Variants in PCDH15 observed in about 807,000 individuals in gnomAD.
PCDH15 encodes the protein protocadherin-15.
In PCDH15, 129 loss-of-function variants were observed where a neutral mutation model predicts 178.5. The ratio of observed to expected loss-of-function variants is 0.72; its 90% CI spans 0.63 to 0.84. The LOEUF is 0.84. Among genes scored for constraint, PCDH15 ranks in the 40% least tolerant of loss-of-function variants. The pLI, the probability that PCDH15 is intolerant of heterozygous loss-of-function variation, is 0.00. For synonymous variants in PCDH15, 800 were observed against 732.0 expected (o/e 1.09, Z -1.50); for missense variants, 2,230 against 2,099.9 (o/e 1.06, Z -1.21).
chr10:54,719,362 A>T (rs1385962311), intron 1 of PCDH15, among the ~76,000 whole-genome samples: 3 of 152,122 alleles, frequency 2.0e-5, no homozygotes, highest in Admixed American at 6.6e-5. Flanking sequence ...TGAGAAACAT[A>T]GGATTATGTA....
At chr10:53,909,084 C>T (rs7089225) in intron 25 of PCDH15, among the ~76,000 whole-genome samples, 98,565 of 152,018 alleles carry the variant, frequency 0.65, 32,326 homozygotes, top group East Asian at 0.88. Flanking sequence ...CACGTATCGA[C>T]GGAAGAACCT....
chr10:54,962,661 C>T (rs375609277), intron 2 of PCDH15, among the ~76,000 whole-genome samples: 5 of 152,184 alleles, frequency 3.3e-5, no homozygotes, highest in South Asian at 4.1e-4. Context: ...GCACCTGTGC[C>T]GGCTCCTGGA....
intron 17 of PCDH15, among the ~76,000 whole-genome samples, chr10:54,075,304 G>A (rs925124975): frequency 5.9e-5 from 9 of 152,050 alleles, no homozygotes; most frequent in Non-Finnish European, 8.8e-5. Context: ...CTGAACCCGG[G>A]AGGCGGAGTT....
chr10:55,014,200 A>C (rs1428649920), intron 2 of PCDH15, among the ~76,000 whole-genome samples: 1 of 150,740 alleles, frequency 6.6e-6, no homozygotes, highest in Non-Finnish European at 1.5e-5. Context: ...ACACCTTGAA[A>C]TTTTTTTTTT....
At chr10:54,536,672 G>A (rs1159071920) in intron 2 of PCDH15, among the ~76,000 whole-genome samples, 1 of 152,056 alleles carries the variant, frequency 6.6e-6, no homozygotes, top group African/African-American at 2.4e-5. Context: ...TAGATGTCCA[G>A]TGTCTATTAC....
intron 2 of PCDH15, among the ~76,000 whole-genome samples, chr10:54,617,092 T>G (rs992108604): frequency 6.6e-6 from 1 of 152,026 alleles, no homozygotes; most frequent in Non-Finnish European, 1.5e-5. Context: ...AGACTGGATT[T>G]CACCATGTTG....
At chr10:55,540,735 A>G (rs1354808640) in intron 2 of PCDH15, among the ~76,000 whole-genome samples, 1 of 152,080 alleles carries the variant, frequency 6.6e-6, no homozygotes, top group Admixed American at 6.6e-5. Flanking sequence ...GTTCCCCAAT[A>G]TTATTGAAAA....
At chr10:54,576,998 T>C (rs560548522) in intron 2 of PCDH15, among the ~76,000 whole-genome samples, 5 of 152,286 alleles carry the variant, frequency 3.3e-5, no homozygotes, top group South Asian at 4.1e-4. Flanking sequence ...AATGTCTACA[T>C]TGATGGCTGA....
intron 2 of PCDH15, among the ~76,000 whole-genome samples, chr10:55,490,733 T>C (rs549422736): frequency 2.0e-5 from 3 of 151,842 alleles, no homozygotes; most frequent in Admixed American, 2.0e-4. Flanking sequence ...AATATTTAAA[T>C]AAATGACAGC....
At chr10:54,974,675 T>C (rs541634331) in intron 2 of PCDH15, among the ~76,000 whole-genome samples, 1 of 152,200 alleles carries the variant, frequency 6.6e-6, no homozygotes, top group South Asian at 2.1e-4. Flanking sequence ...TATATTTCCA[T>C]GAAAACCCTT....
At chr10:54,249,813 CTT>C (rs1462293054) in intron 8 of PCDH15, among the ~76,000 whole-genome samples, 2 of 151,914 alleles carry the variant, frequency 1.3e-5, no homozygotes, top group Non-Finnish European at 2.9e-5. Flanking sequence ...ATAGTAAAGA[CTT>C]AATACTCACC....
intron 2 of PCDH15, among the ~76,000 whole-genome samples, chr10:54,961,904 C>T (rs1838666230): frequency 6.6e-6 from 1 of 152,010 alleles, no homozygotes; most frequent in Non-Finnish European, 1.5e-5. Context: ...ACTGGGATGA[C>T]CTGCCTGGAG....
intron 1 of PCDH15, among the ~76,000 whole-genome samples, chr10:55,220,035 A>C (rs1840825531): frequency 6.6e-6 from 1 of 152,010 alleles, no homozygotes; most frequent in Non-Finnish European, 1.5e-5. Flanking sequence ...GAGATATCAG[A>C]AATAAAGCCA....
chr10:54,190,402 G>A (rs987106216), intron 11 of PCDH15, among the ~76,000 whole-genome samples: 2 of 152,120 alleles, frequency 1.3e-5, no homozygotes, highest in African/African-American at 4.8e-5. Context: ...AAAAGCAACA[G>A]GATTTTGTTT....
intron 2 of PCDH15, among the ~76,000 whole-genome samples, chr10:54,530,969 T>C (rs1019911787): frequency 6.6e-6 from 1 of 152,298 alleles, no homozygotes; most frequent in African/African-American, 2.4e-5. Flanking sequence ...AGAACAATTA[T>C]ATTTAGAATT....
chr10:54,386,251 T>C (rs1174653451), intron 3 of PCDH15, among the ~76,000 whole-genome samples: 4 of 150,970 alleles, frequency 2.6e-5, no homozygotes, highest in Admixed American at 6.6e-5. Context: ...CGACAGCTGA[T>C]AGCTGATGAG....
At chr10:54,556,735 G>A (rs1231907764) in intron 2 of PCDH15, among the ~76,000 whole-genome samples, 1 of 150,952 alleles carries the variant, frequency 6.6e-6, no homozygotes, top group Non-Finnish European at 1.5e-5. Flanking sequence ...GATTTCATAG[G>A]TTATTACATG....
intron 2 of PCDH15, among the ~76,000 whole-genome samples, chr10:54,903,086 C>T (rs1312565686): frequency 6.6e-6 from 1 of 152,106 alleles, no homozygotes; most frequent in Non-Finnish European, 1.5e-5. Context: ...ATTTTCATTG[C>T]CCTTCCTTTA....
intron 29 of PCDH15, among the ~76,000 whole-genome samples, chr10:53,835,193 CT>C (rs2077234902): frequency 6.6e-6 from 1 of 152,046 alleles, no homozygotes; most frequent in Non-Finnish European, 1.5e-5. Context: ...TTATCAGAGC[CT>C]GTTAATCAGA....
Sources: allele counts gnomAD v4.1 joint callset (sites outside exome capture counted in the v4.1 genomes callset), GRCh38; gene constraint gnomAD v4.1.1; transcripts MANE v1.5; gene names NCBI Gene and HGNC (gene_info 2026-07-23, HGNC 2026-07-21).